WNT5A: variants seen among roughly 807,000 people sequenced by gnomAD.
The protein encoded by WNT5A is Wnt family member 5A.
In WNT5A, 9 loss-of-function variants were observed where a neutral mutation model predicts 42.1. The observed-to-expected ratio is 0.21, with a 90% CI of 0.13 to 0.37. The LOEUF is 0.37. Ranked by LOEUF, WNT5A falls within the 10% of genes least tolerant of loss-of-function variation. The pLI, the probability that WNT5A is intolerant of heterozygous loss-of-function variation, is 1.00. For missense variants in WNT5A, 426 were observed against 534.0 expected (o/e 0.80, Z 1.99); for synonymous variants, 210 against 210.0 (o/e 1.00, Z 0.00).
At chr3:55,481,428 G>A (rs900605913) in intron 1 of WNT5A, 56 of 985,200 alleles carry the variant, frequency 5.7e-5, no homozygotes, top group Non-Finnish European at 6.7e-5. Context: ...CCAAGGAGGC[G>A]GGGTGGCCAG....
At chr3:55,481,069 G>T in intron 1 of WNT5A, 151 bp from the exon 2 acceptor site, 1 of 874,890 alleles carries the variant, frequency 1.1e-6, no homozygotes, top group Non-Finnish European at 1.5e-6. Context: ...CAAGATATAG[G>T]CAGTTTCTTT....
chr3:55,479,211 G>T, intron 3 of WNT5A, 103 bp downstream of exon 3: 1 of 1,307,142 alleles, frequency 7.7e-7, no homozygotes, highest in African/African-American at 1.5e-5. Flanking sequence ...GAGCTGGAAG[G>T]CATCCTCCTT....
the WNT5A span, among the ~76,000 whole-genome samples, chr3:55,498,099 G>C: frequency 5.3e-5 from 8 of 152,174 alleles, no homozygotes. Context: ...CTTTCTACTT[G>C]TTTTGTTTTG....
chr3:55,483,739 A>G lies in WNT5A; in HGVS notation c.7-2821T>C, dbSNP rs1190094714. On this transcript the variant is annotated intron_variant, in intron 1 of 4. Coordinates refer to ENST00000264634, the MANE Select transcript of WNT5A (RefSeq NM_003392.7). The surrounding 1 kb of genome is among the most constrained non-coding windows in gnomAD (Gnocchi z 4.2). ...CCTCCTCTTCAATCCAGAGCAGCTC[A>G]ACGACGTGGCTCCCTTTCTATGTAT... 6.6e-6 allele frequency among the ~76,000 whole-genome samples: 1 copy of G among 152,094 alleles called. No individual in the cohort carries two copies. The highest frequency in any genetic ancestry group is 1.5e-5 in the Non-Finnish European group (1 of 68,018).
In WNT5A at chr3:55,487,177, T is replaced by C. The variant is rs2107010116; in HGVS notation, c.-192A>G. ...TGGCGCCCGGGCCTGGACTCCCGAG[T>C]TGGGGCAGAGCTGGGATGCGCCCAG... is the stretch of plus-strand genomic sequence containing the variant. On this transcript the variant is annotated 5_prime_UTR_variant, in exon 1 of 5. Transcript: ENST00000264634. 3 of 583,444 alleles carry C rather than the reference T, an allele frequency of 5.1e-6. No homozygotes were observed. The highest frequency in any genetic ancestry group is 2.9e-5 in the East Asian group (1 of 34,336). The allele number at this position is 583,444 out of a possible 1,614,324, so 36.1% of individuals were successfully genotyped here. A position where few individuals can be genotyped will look rare whatever the true frequency, so the allele number is the denominator to read the frequency against.
At chr3:55,470,873 G>A (rs2051238306) in intron 4 of WNT5A, among the ~76,000 whole-genome samples, 1 of 152,114 alleles carries the variant, frequency 6.6e-6, no homozygotes, top group South Asian at 2.1e-4. Flanking sequence ...CATCCCAGAG[G>A]TTGTTCACAA....
rs2051218528 is a variant in WNT5A at position 55,470,140 on chromosome 3, G to T, written c.1095C>A (p.Val365=). The T allele has an allele frequency of 3.1e-6, 5 of 1,614,050 alleles. No homozygotes were observed. In the African/African-American group the frequency reaches 5.3e-5, roughly 17 times the overall value. The change falls in exon 5 of 5, where the codon GTC becomes GTA. Residue 365 remains valine (V), a synonymous_variant. Transcript: ENST00000264634. The stretch of plus-strand genomic sequence containing the variant: ...CGATCTCCGTGCACTTCTTGCACTT[G>T]ACGTAGCAGCACCAGTGGAACTTGC... The part of the protein sequence containing the change: ...CHCKFHWCCY[V]KCKKCTEIVD...
intron 4 of WNT5A, among the ~76,000 whole-genome samples, chr3:55,472,050 C>G (rs1286983571): frequency 6.6e-6 from 1 of 152,114 alleles, no homozygotes. Flanking sequence ...CATGGAAATT[C>G]TAATATGATT....
chr3:55,478,987 A>G (rs2051406120), intron 3 of WNT5A: 1 of 181,518 alleles, frequency 5.5e-6, no homozygotes, highest in African/African-American at 2.3e-5. Flanking sequence ...CATATACATG[A>G]CTTGCTTCCC....
chr3:55,483,038 G>A lies in WNT5A; in HGVS notation c.7-2120C>T, dbSNP rs2051500251. 6.6e-6 allele frequency among the ~76,000 whole-genome samples: 1 copy of A among 152,216 alleles called. No individual in the cohort carries two copies. The highest frequency in any genetic ancestry group is 6.5e-5 in the Admixed American group (1 of 15,284). ...GCGGCGAGCGGGGCGCGTGGGGCGG[G>A]GCTCAAGCAGCAGAGAAATTGATAA... On this transcript the variant is annotated intron_variant, in intron 1 of 4. Coordinates refer to ENST00000264634, the MANE Select transcript of WNT5A (RefSeq NM_003392.7). This position sits in a 1 kb window ranked among gnomAD's most constrained non-coding sequence, Gnocchi z 4.2.
chr3:55,481,805 G>A (rs190903237), intron 1 of WNT5A, among the ~76,000 whole-genome samples: 29 of 152,276 alleles, frequency 1.9e-4, no homozygotes, highest in African/African-American at 7.0e-4. Context: ...AACCCTAGAG[G>A]AAAGAAGGGA....
At position 55,467,351 on chromosome 3, in the gene WNT5A, A is replaced by G. The variant is rs958678697; in HGVS notation, c.*2741T>C. Reference sequence around the variant, plus strand: ...GCAATCCTATAACCAGCTTTAAGCCATCTGCTTGATTTCTTTTTTTTTTTT... The same window carrying G: ...GCAATCCTATAACCAGCTTTAAGCCGTCTGCTTGATTTCTTTTTTTTTTTT... On this transcript the variant is annotated 3_prime_UTR_variant, in exon 5 of 5. Coordinates refer to ENST00000264634, the MANE Select transcript of WNT5A (RefSeq NM_003392.7). The G allele has an allele frequency of 2.7e-4, 38 of 140,788 alleles. 1 individual carries two copies. The highest frequency in any genetic ancestry group is 9.8e-4 in the African/African-American group (38 of 38,632). The allele number at this position is 140,788 out of a possible 1,614,324, so 8.7% of individuals were successfully genotyped here. A position where few individuals can be genotyped will look rare whatever the true frequency, so the allele number is the denominator to read the frequency against.
Position 55,470,254 on chromosome 3 carries a change from C to T in WNT5A, c.981G>A (p.Lys327=). The change falls in exon 5 of 5, where the codon AAG becomes AAA. Residue 327 remains lysine, a synonymous_variant. Transcript: ENST00000264634. ...SLGTQGRLCN[K]TSEGMDGCEL... ...CGCAGCCATCCATGCCCTCCGACGT[C>T]TTGTTGCACAGGCGGCCCTGCGTGC... 1 of 1,614,114 alleles carries T rather than the reference C, an allele frequency of 6.2e-7. No individual in the cohort carries two copies. Among genetic ancestry groups the T allele is most frequent in the Non-Finnish European group, 8.5e-7 (1 of 1,179,956 alleles).
intron 1 of WNT5A, among the ~76,000 whole-genome samples, chr3:55,486,021 A>C (rs573435862): frequency 2.0e-5 from 3 of 152,256 alleles, no homozygotes; most frequent in African/African-American, 7.2e-5. Context: ...TTTAGAAAAT[A>C]AAAACTTATG....
At chr3:55,491,865 G>C, upstream of WNT5A, among the ~76,000 whole-genome samples, 1 of 152,236 alleles carries the variant, frequency 6.6e-6, no homozygotes, top group East Asian at 1.9e-4. Flanking sequence ...TGTGAGCAGG[G>C]CCACAGATGG....
chr3:55,491,638 C>A (rs1457583670), upstream of WNT5A, among the ~76,000 whole-genome samples: 2 of 152,168 alleles, frequency 1.3e-5, no homozygotes, highest in Non-Finnish European at 2.9e-5. Context: ...TTATGCCCAG[C>A]AAATAATATT....
upstream of WNT5A, among the ~76,000 whole-genome samples, chr3:55,488,950 A>G (rs3892592): frequency 0.03 from 4,517 of 152,232 alleles, 88 homozygotes; most frequent in Middle Eastern, 0.061. Context: ...AAGTCCCCAG[A>G]GTAGTAGGGA....
chr3:55,474,379 A>G lies in WNT5A; in HGVS notation c.642T>C (p.Ala214=), dbSNP rs772344536. The G allele has an allele frequency of 6.2e-7, 1 of 1,613,002 alleles. No homozygotes were observed. The highest frequency in any genetic ancestry group is 1.1e-5 in the South Asian group (1 of 91,064). The change falls in exon 4 of 5, where the codon GCT becomes GCC. Residue 214 remains alanine, a synonymous_variant. Coordinates refer to ENST00000264634, the MANE Select transcript of WNT5A (RefSeq NM_003392.7). ...TGTTGTGCAGGTTCATGAGGATGCG[A>G]GCACTCTCGTAGGAGCCCTTGGCGT... The part of the protein sequence containing the change: ...RIHAKGSYES[A]RILMNLHNNE...
intron 3 of WNT5A, 98 bp downstream of exon 3, chr3:55,479,216 C>T: frequency 7.5e-7 from 1 of 1,327,204 alleles, no homozygotes; most frequent in Non-Finnish European, 9.8e-7. Flanking sequence ...GGAAGGCATC[C>T]TCCTTCATGC....
Sources: gnomAD v4.1 joint callset for allele counts (sites outside exome capture counted in the v4.1 genomes callset) on GRCh38, gnomAD v4.1.1 for gene constraint, Gnocchi (gnomAD v3.1) non-coding constraint, MANE v1.5 for transcripts, NCBI Gene and HGNC (gene_info 2026-07-23, HGNC 2026-07-21) for gene names.